ARID4B: variants seen among roughly 807,000 people sequenced by gnomAD.
ARID4B encodes AT-rich interactive domain-containing protein 4B.
In ARID4B, 26 loss-of-function variants were observed where a neutral mutation model predicts 147.5. The ratio of observed to expected loss-of-function variants is 0.18; its 90% CI spans 0.13 to 0.24. The LOEUF (loss-of-function observed/expected upper bound fraction) is 0.24. Among genes scored for constraint, ARID4B ranks in the 10% least tolerant of loss-of-function variants. The pLI is 1.00. For missense variants in ARID4B, 1,179 were observed against 1,511.5 expected, an observed-to-expected ratio of 0.78 and a Z score of 3.65; for synonymous variants, 512 against 507.9, an observed-to-expected ratio of 1.01 and a Z score of -0.11.
intron 16 of ARID4B, among the ~76,000 whole-genome samples, chr1:235,216,040 G>A (rs2103014191): frequency 6.6e-6 from 1 of 152,038 alleles, no homozygotes; most frequent in South Asian, 2.1e-4. Context: ...AGTGATATAA[G>A]CAGCACTATA....
intron 2 of ARID4B, among the ~76,000 whole-genome samples, chr1:235,284,088 ACAG>A (rs1442941824): frequency 1.3e-5 from 2 of 152,152 alleles, no homozygotes; most frequent in East Asian, 3.9e-4. Flanking sequence ...CCAGGCCGGC[ACAG>A]TGGCTCACGC....
intron 2 of ARID4B, among the ~76,000 whole-genome samples, chr1:235,311,871 G>A (rs544370033): frequency 2.6e-5 from 4 of 152,176 alleles, no homozygotes; most frequent in South Asian, 2.1e-4. Context: ...GAAACATACC[G>A]GTGCCCTATA....
intron 7 of ARID4B, among the ~76,000 whole-genome samples, chr1:235,242,860 C>T (rs746460337): frequency 6.6e-6 from 1 of 152,174 alleles, no homozygotes; most frequent in Non-Finnish European, 1.5e-5. Context: ...TTCCCCCTCA[C>T]CTACTCAAGA....
At chr1:235,255,234 G>A (rs1159335306) in intron 5 of ARID4B, among the ~76,000 whole-genome samples, 1 of 100,526 alleles carries the variant, frequency 9.9e-6, no homozygotes, top group African/African-American at 3.6e-5. Context: ...TAGATAGATA[G>A]ATAGATAGAT....
chr1:235,256,391 TC>T (rs763047042), intron 4 of ARID4B, among the ~76,000 whole-genome samples: 8 of 152,086 alleles, frequency 5.3e-5, no homozygotes, highest in Non-Finnish European at 5.9e-5. Flanking sequence ...GCCCCGTATT[TC>T]CACTCTTCTT....
chr1:235,252,672 A>G, intron 6 of ARID4B, 58 bp downstream of exon 6: 2 of 1,521,886 alleles, frequency 1.3e-6, no homozygotes, highest in Non-Finnish European at 1.8e-6. Context: ...GAAAGCAAAA[A>G]TTTATTCCTC....
At chr1:235,197,176 C>A (rs1665565455) in intron 17 of ARID4B, among the ~76,000 whole-genome samples, 1 of 151,800 alleles carries the variant, frequency 6.6e-6, no homozygotes, top group East Asian at 1.9e-4. Context: ...AGAATTATAA[C>A]AGCTAGAAGA....
intron 19 of ARID4B, among the ~76,000 whole-genome samples, chr1:235,192,414 T>C (rs1166314936): frequency 2.6e-5 from 4 of 152,230 alleles, no homozygotes; most frequent in Admixed American, 1.3e-4. Context: ...TACTGTTCTT[T>C]AAACTATACA....
intron 2 of ARID4B, among the ~76,000 whole-genome samples, chr1:235,298,440 A>T (rs1345392691): frequency 6.6e-6 from 1 of 150,584 alleles, no homozygotes; most frequent in Non-Finnish European, 1.5e-5. Flanking sequence ...TCTAAAAATC[A>T]ATTACCGTAT....
At chr1:235,280,016 G>A (rs1322269851) in intron 2 of ARID4B, among the ~76,000 whole-genome samples, 3 of 152,004 alleles carry the variant, frequency 2.0e-5, no homozygotes, top group Admixed American at 1.3e-4. Flanking sequence ...GTAATAAATC[G>A]CAGCCGTAAA....
intron 2 of ARID4B, among the ~76,000 whole-genome samples, chr1:235,317,984 T>C (rs1674552437): frequency 6.6e-6 from 1 of 151,896 alleles, no homozygotes; most frequent in Non-Finnish European, 1.5e-5. Context: ...CCAAGAGAAT[T>C]AAAAATACAT....
At chr1:235,202,180 AT>A (rs1358370603) in intron 17 of ARID4B, among the ~76,000 whole-genome samples, 1 of 151,982 alleles carries the variant, frequency 6.6e-6, no homozygotes, top group Non-Finnish European at 1.5e-5. Flanking sequence ...GGGAAACAGC[AT>A]TACTAAATGC....
chr1:235,256,295 A>G (rs1286167825), intron 4 of ARID4B, among the ~76,000 whole-genome samples: 1 of 152,088 alleles, frequency 6.6e-6, no homozygotes, highest in Admixed American at 6.6e-5. Context: ...TTTTACCCTT[A>G]CAACCCCCGC....
chr1:235,290,221 A>T (rs553496972), intron 2 of ARID4B, among the ~76,000 whole-genome samples: 8 of 152,098 alleles, frequency 5.3e-5, no homozygotes, highest in Non-Finnish European at 1.0e-4. Context: ...GGCCGGGCAG[A>T]TCACTTGAGG....
chr1:235,318,168 CTTTTTTTTTTTT>C (rs372816686), intron 2 of ARID4B, among the ~76,000 whole-genome samples: 4,687 of 112,078 alleles, frequency 0.042, 170 homozygotes, highest in Non-Finnish European at 0.052. Context: ...CTTGCTACTC[CTTTTTTTTTTTT>C]TTTTTTTTTT....
chr1:235,253,309 C>T (rs1399671210), intron 5 of ARID4B, among the ~76,000 whole-genome samples: 1 of 152,158 alleles, frequency 6.6e-6, no homozygotes, highest in African/African-American at 2.4e-5. Context: ...TCTGTTGTGG[C>T]AGGCTTGTCC....
chr1:235,268,982 G>A (rs146546062), intron 2 of ARID4B, among the ~76,000 whole-genome samples: 1 of 152,196 alleles, frequency 6.6e-6, no homozygotes, highest in East Asian at 1.9e-4. Flanking sequence ...GGTCAAATGG[G>A]GGAAAGTTTG....
intron 2 of ARID4B, among the ~76,000 whole-genome samples, chr1:235,324,957 G>C (rs1675116215): frequency 6.6e-6 from 1 of 152,074 alleles, no homozygotes; most frequent in Non-Finnish European, 1.5e-5. Flanking sequence ...CACAGAAAAA[G>C]AAACAAAATT....
At chr1:235,312,647 C>T (rs1418368931) in intron 2 of ARID4B, among the ~76,000 whole-genome samples, 1 of 152,062 alleles carries the variant, frequency 6.6e-6, no homozygotes, top group Non-Finnish European at 1.5e-5. Context: ...AAAAAAACAA[C>T]AACACTTTAG....
Sources: allele counts gnomAD v4.1 joint callset (sites outside exome capture counted in the v4.1 genomes callset), GRCh38; gene constraint gnomAD v4.1.1; transcripts MANE v1.5; gene names NCBI Gene and HGNC (gene_info 2026-07-23, HGNC 2026-07-21).